Variants in SLC25A24 observed in about 807,000 individuals in gnomAD.
The protein encoded by SLC25A24 is mitochondrial adenyl nucleotide antiporter SLC25A24.
SLC25A24 carries 49 observed loss-of-function variants against 60.7 expected under a neutral mutation model. The ratio of observed to expected loss-of-function variants is 0.81; its 90% CI spans 0.64 to 1.02. The LOEUF is 1.02. Ranked by LOEUF, SLC25A24 falls within the 50% of genes least tolerant of loss-of-function variation. The pLI, the probability that SLC25A24 is intolerant of heterozygous loss-of-function variation, is 0.00. For synonymous variants in SLC25A24, 202 were observed against 200.6 expected, an observed-to-expected ratio of 1.01 and a Z score of -0.06; for missense variants, 564 against 586.3, an observed-to-expected ratio of 0.96 and a Z score of 0.39.
At chr1:108,195,184 T>TAAA (rs112727363) in intron 1 of SLC25A24, among the ~76,000 whole-genome samples, 2 of 151,928 alleles carry the variant, frequency 1.3e-5, no homozygotes, top group African/African-American at 4.8e-5. Context: ...GAAGCTTCTT[T>TAAA]TGTTTTTTCT....
chr1:108,147,820 C>G (rs994740867), intron 7 of SLC25A24, among the ~76,000 whole-genome samples: 7 of 152,154 alleles, frequency 4.6e-5, no homozygotes, highest in Admixed American at 1.3e-4. Context: ...CCCTCCTACA[C>G]TCTACCAGGG....
intron 7 of SLC25A24, among the ~76,000 whole-genome samples, chr1:108,145,681 A>G (rs1369975498): frequency 1.3e-5 from 2 of 151,818 alleles, no homozygotes; most frequent in Non-Finnish European, 2.9e-5. Context: ...TCCTTTCCCC[A>G]TTGCTTGTTT....
chr1:108,141,762 G>A (rs1381318711), intron 8 of SLC25A24, among the ~76,000 whole-genome samples: 1 of 152,174 alleles, frequency 6.6e-6, no homozygotes, highest in African/African-American at 2.4e-5. Flanking sequence ...GCCAGTCACG[G>A]AAAGAGAAAT....
intron 3 of SLC25A24, among the ~76,000 whole-genome samples, chr1:108,177,821 T>C (rs905088207): frequency 6.6e-6 from 1 of 152,180 alleles, no homozygotes; most frequent in Non-Finnish European, 1.5e-5. Flanking sequence ...TATGTAGCTA[T>C]TGTTTTTTAT....
Position 108,200,337 on chromosome 1 carries a change from A to G in SLC25A24, c.-199T>C, listed in dbSNP as rs1410658339. 1.3e-5 allele frequency: 4 copies of G among 314,584 alleles called. No individual in the cohort carries two copies. The highest frequency in any genetic ancestry group is 1.5e-4 in the South Asian group (1 of 6,652). 19.5% of individuals were successfully genotyped at this position (314,584 alleles called of 1,614,324 possible). Reference sequence around the variant, plus strand: ...CCCCACCCGAGCCCGCGCGGAGCGCAGGGTGTGGCCGTCCCGCCGCTGCTG... The same window carrying G: ...CCCCACCCGAGCCCGCGCGGAGCGCGGGGTGTGGCCGTCCCGCCGCTGCTG... On this transcript the variant is annotated 5_prime_UTR_variant, in exon 1 of 10. Transcript: ENST00000565488.
At chr1:108,170,554 T>C (rs2101628086) in intron 3 of SLC25A24, among the ~76,000 whole-genome samples, 1 of 152,262 alleles carries the variant, frequency 6.6e-6, no homozygotes, top group Non-Finnish European at 1.5e-5. Flanking sequence ...AAGAATTGTG[T>C]TAAAATCTCT....
intron 3 of SLC25A24, among the ~76,000 whole-genome samples, chr1:108,173,066 C>A (rs193138032): frequency 1.3e-5 from 2 of 152,044 alleles, no homozygotes; most frequent in Admixed American, 1.3e-4. Context: ...TGGTTAAAAT[C>A]AAAAGAAATC....
At position 108,199,870 on chromosome 1, in the gene SLC25A24, C is replaced by G. The variant is rs1026491825; in HGVS notation, c.183+86G>C. ...CCTCCTTCCTCTCCTGGCAACGCCT[C>G]AAGCCGCCGCCCTCCTCGGTCCTCG... On this transcript the variant is annotated intron_variant, in intron 1 of 9. Coordinates refer to ENST00000565488, the MANE Select transcript of SLC25A24 (RefSeq NM_013386.5). 4 of 1,093,590 alleles carry G rather than the reference C, an allele frequency of 3.7e-6. No individual in the cohort carries two copies. The African/African-American group carries it at 6.3e-5, about 17-fold the overall frequency. 67.7% of individuals were successfully genotyped at this position (1,093,590 alleles called of 1,614,324 possible).
At chr1:108,178,683 G>A (rs547061174) in intron 3 of SLC25A24, among the ~76,000 whole-genome samples, 44 of 151,890 alleles carry the variant, frequency 2.9e-4, no homozygotes, top group Admixed American at 7.2e-4. Flanking sequence ...GCGTGGTGGC[G>A]GGTGCCTGTA....
chr1:108,197,419 AACT>A (rs1346695683), intron 1 of SLC25A24, among the ~76,000 whole-genome samples: 2 of 152,172 alleles, frequency 1.3e-5, no homozygotes, highest in South Asian at 2.1e-4. Flanking sequence ...CTTAGATACA[AACT>A]ACTACCTTGA....
At chr1:108,177,238 CA>C (rs2101633616) in intron 3 of SLC25A24, among the ~76,000 whole-genome samples, 1 of 150,732 alleles carries the variant, frequency 6.6e-6, no homozygotes, top group African/African-American at 2.4e-5. Context: ...TTGGTAACCA[CA>C]AACCAAAAAC....
At position 108,181,874 on chromosome 1, in the gene SLC25A24, C is replaced by A. The variant is rs990038367; in HGVS notation, c.398+67G>T. On this transcript the variant is annotated intron_variant, in intron 3 of 9. Coordinates refer to ENST00000565488, the MANE Select transcript of SLC25A24 (RefSeq NM_013386.5). ...GGGAGGTGTTTTAAAGCCACACTTA[C>A]AAACACAGAGTTCTAATGCAGAATA... 35 of 1,171,694 alleles carry A rather than the reference C, an allele frequency of 3.0e-5. No individual in the cohort carries two copies. The African/African-American group carries it at 4.9e-4, about 16-fold the overall frequency. 72.6% of individuals were successfully genotyped at this position (1,171,694 alleles called of 1,614,324 possible).
In SLC25A24 at chr1:108,199,957, T is replaced by C. The variant is rs769783751; in HGVS notation, c.182A>G (p.Glu61Gly). Residue 61 changes from glutamate to glycine, a missense_variant and splice_region_variant, in exon 1 of 10, where the codon GAG (glutamate) becomes GGG (glycine). Glu to Gly is a moderately conservative substitution (Grantham distance 98). Coordinates refer to ENST00000565488, the MANE Select transcript of SLC25A24 (RefSeq NM_013386.5). ...GGCGGCGCCCCGGCGGCGACCCACC[T>C]CCTCGGCGTCCTGGCCCAGAGGGAT... ...LGIPLGQDAEEKIFTTGDVNK... is the reference protein window; with the variant it reads ...LGIPLGQDAEGKIFTTGDVNK... 1.6e-5 allele frequency: 26 copies of C among 1,603,108 alleles called. No homozygotes were observed. Among genetic ancestry groups the C allele is most frequent in the Non-Finnish European group, 2.2e-5 (26 of 1,175,542 alleles).
In SLC25A24 at chr1:108,135,474, C is replaced by T. The variant is rs1025360353; in HGVS notation, c.*1179G>A. 2 of 152,206 alleles carry T rather than the reference C, an allele frequency of 1.3e-5. No homozygotes were observed. The highest frequency in any genetic ancestry group is 6.6e-5 in the Admixed American group (1 of 15,248). 9.4% of individuals were successfully genotyped at this position (152,206 alleles called of 1,614,324 possible). A position where few individuals can be genotyped will look rare whatever the true frequency, so the allele number is the denominator to read the frequency against. ...CACACAAATAAGAAAAGATAGTTGA[C>T]TATAAAAATGGCTTTAGTAAAATAA... On this transcript the variant is annotated 3_prime_UTR_variant, in exon 10 of 10. Coordinates refer to ENST00000565488, the MANE Select transcript of SLC25A24 (RefSeq NM_013386.5).
At chr1:108,173,666 C>A (rs1456796732) in intron 3 of SLC25A24, among the ~76,000 whole-genome samples, 1 of 152,118 alleles carries the variant, frequency 6.6e-6, no homozygotes, top group Admixed American at 6.5e-5. Flanking sequence ...CAGAAGAAGA[C>A]TGGGAAAGTT....
chr1:108,155,757 C>T (rs894703046), intron 5 of SLC25A24, among the ~76,000 whole-genome samples: 1 of 152,082 alleles, frequency 6.6e-6, no homozygotes, highest in African/African-American at 2.4e-5. Context: ...AAATTCATTA[C>T]AACATGTACC....
At position 108,192,971 on chromosome 1, in the gene SLC25A24, C is replaced by T. The variant is rs1425109088; in HGVS notation, c.183+6985G>A. Among the ~76,000 whole-genome samples, 2 of 139,936 alleles carry T rather than the reference C, an allele frequency of 1.4e-5. 1 individual carries two copies. The highest frequency in any genetic ancestry group is 3.1e-5 in the Non-Finnish European group (2 of 63,800). 91.8% of individuals were successfully genotyped at this position (139,936 alleles called of 152,430 possible). On this transcript the variant is annotated intron_variant, in intron 1 of 9. Coordinates refer to ENST00000565488, the MANE Select transcript of SLC25A24 (RefSeq NM_013386.5). ...AGTCCAGTCGGGGCAACTCAAGCCC[C>T]TTTCCCCAGAAACTTCCAGGGAGAA...
chr1:108,151,805 C>T lies in SLC25A24; in HGVS notation c.822+3178G>A, dbSNP rs1428466279. On this transcript the variant is annotated intron_variant, in intron 6 of 9. Coordinates refer to ENST00000565488, the MANE Select transcript of SLC25A24 (RefSeq NM_013386.5). Reference sequence around the variant, plus strand: ...TCCCACACATCTCAAACTCAGCATGCACAAAATGGAACCTGATATTGTATT... The same window carrying T: ...TCCCACACATCTCAAACTCAGCATGTACAAAATGGAACCTGATATTGTATT... Among the ~76,000 whole-genome samples the T allele has an allele frequency of 5.3e-5, 8 of 152,188 alleles. No individual in the cohort carries two copies. In the East Asian group the frequency reaches 9.6e-4, roughly 18 times the overall value.
intron 3 of SLC25A24, among the ~76,000 whole-genome samples, chr1:108,176,672 G>A (rs1647684685): frequency 6.6e-6 from 1 of 152,164 alleles, no homozygotes; most frequent in Non-Finnish European, 1.5e-5. Flanking sequence ...AATATGGTTG[G>A]AAACAGACTG....
Sources: allele counts gnomAD v4.1 joint callset (sites outside exome capture counted in the v4.1 genomes callset), GRCh38; gene constraint gnomAD v4.1.1; transcripts MANE v1.5; gene names NCBI Gene and HGNC (gene_info 2026-07-23, HGNC 2026-07-21).